STRN3: variants seen among roughly 807,000 people sequenced by gnomAD.
The protein encoded by STRN3 is striatin 3.
Under a neutral mutation model 95.6 loss-of-function variants are expected in STRN3, and 29 were observed. That is an observed-to-expected ratio of 0.30 (90% CI 0.23 to 0.41). The LOEUF (loss-of-function observed/expected upper bound fraction) is 0.41. STRN3 is among the 10% of genes least tolerant of loss of function. The probability of loss-of-function intolerance (pLI) is 1.00; values close to 1 mark genes in which losing one functional copy is unlikely to be tolerated. For synonymous variants in STRN3, 331 were observed against 357.6 expected (o/e 0.93, Z 0.84); for missense variants, 890 against 972.1 (o/e 0.92, Z 1.12).
intron 5 of STRN3, among the ~76,000 whole-genome samples, chr14:30,943,257 T>C (rs918932259): frequency 1.6e-4 from 24 of 152,198 alleles, no homozygotes; most frequent in Admixed American, 1.5e-3. Flanking sequence ...GAAAATGTTA[T>C]TGTATGCATT....
intron 1 of STRN3, among the ~76,000 whole-genome samples, chr14:30,978,657 T>C (rs67898509): frequency 0.16 from 23,693 of 152,020 alleles, 2,069 homozygotes; most frequent in South Asian, 0.33. Context: ...ATTGAGAAGG[T>C]AGGAATAGAA....
intron 6 of STRN3, 77 bp from the exon 7 acceptor site, chr14:30,935,381 C>A: frequency 1.4e-6 from 2 of 1,451,772 alleles, no homozygotes; most frequent in East Asian, 2.3e-5. Context: ...CACATAACTA[C>A]ATTTACACAC....
intron 6 of STRN3, 34 bp downstream of exon 6, chr14:30,936,461 T>C (rs773183930): frequency 1.9e-6 from 3 of 1,593,986 alleles, no homozygotes; most frequent in South Asian, 2.3e-5. Flanking sequence ...TACATGAATA[T>C]ATAGCTAATA....
intron 7 of STRN3, among the ~76,000 whole-genome samples, chr14:30,931,159 A>G (rs952325825): frequency 6.6e-6 from 1 of 152,198 alleles, no homozygotes; most frequent in African/African-American, 2.4e-5. Flanking sequence ...TCTAGAAAAT[A>G]AAAGTAAATT....
chr14:30,951,387 C>T (rs1201248353), intron 3 of STRN3, among the ~76,000 whole-genome samples: 3 of 151,996 alleles, frequency 2.0e-5, no homozygotes, highest in Admixed American at 1.3e-4. Flanking sequence ...GCATGTACCA[C>T]CACACCCAGC....
At chr14:30,948,275 GACAATGTTTATTAGGC>G (rs1027917764) in intron 4 of STRN3, among the ~76,000 whole-genome samples, 15 of 152,112 alleles carry the variant, frequency 9.9e-5, no homozygotes, top group Non-Finnish European at 2.2e-4. Flanking sequence ...AAATACAAGT[GACAATGTTTATTAGGC>G]ACATAGATGA....
chr14:30,992,072 G>C (rs1450595077), intron 1 of STRN3, among the ~76,000 whole-genome samples: 2 of 150,284 alleles, frequency 1.3e-5, no homozygotes, highest in African/African-American at 5.0e-5. Context: ...ATAGTATATG[G>C]AAAACTCAAC....
At chr14:30,974,325 A>G (rs1208035099) in intron 1 of STRN3, among the ~76,000 whole-genome samples, 1 of 152,166 alleles carries the variant, frequency 6.6e-6, no homozygotes, top group African/African-American at 2.4e-5. Context: ...AATTCCATTC[A>G]CAATAGCATC....
intron 1 of STRN3, among the ~76,000 whole-genome samples, chr14:30,982,098 C>CCAA (rs1881436427): frequency 1.3e-5 from 1 of 75,556 alleles, no homozygotes; most frequent in Admixed American, 2.1e-4. Context: ...CTCTGTCTCA[C>CCAA]AAAAAAAAAA....
At chr14:30,955,516 G>C in intron 3 of STRN3, 104 bp downstream of exon 3, 1 of 910,528 alleles carries the variant, frequency 1.1e-6, no homozygotes, top group South Asian at 1.7e-5. Context: ...GTTTACAATA[G>C]TCATTCTCTA....
At chr14:30,992,440 AG>A (rs1213348400) in intron 1 of STRN3, among the ~76,000 whole-genome samples, 1 of 151,628 alleles carries the variant, frequency 6.6e-6, no homozygotes, top group Non-Finnish European at 1.5e-5. Flanking sequence ...AAGAAAAAGA[AG>A]TAAGTGTCTT....
chr14:31,009,926 C>A (rs939603505), intron 1 of STRN3, among the ~76,000 whole-genome samples: 1 of 151,938 alleles, frequency 6.6e-6, no homozygotes, highest in Non-Finnish European at 1.5e-5. Flanking sequence ...TACTGAGACA[C>A]CATCTCCATG....
chr14:31,004,913 G>C (rs898470231), intron 1 of STRN3, among the ~76,000 whole-genome samples: 3 of 152,032 alleles, frequency 2.0e-5, no homozygotes, highest in Admixed American at 2.0e-4. Flanking sequence ...AACTAAATAG[G>C]GAATCCCAGA....
At chr14:30,991,027 A>G (rs1881926603) in intron 1 of STRN3, among the ~76,000 whole-genome samples, 2 of 152,182 alleles carry the variant, frequency 1.3e-5, no homozygotes, top group Admixed American at 6.5e-5. Context: ...TAACATCATC[A>G]CAGCTTACTC....
chr14:30,952,906 A>G (rs1879722914), intron 3 of STRN3, among the ~76,000 whole-genome samples: 1 of 152,186 alleles, frequency 6.6e-6, no homozygotes, highest in Admixed American at 6.5e-5. Flanking sequence ...CCAAGAATTA[A>G]CAACTGGTAG....
chr14:31,024,331 T>C (rs1883670082), intron 1 of STRN3, among the ~76,000 whole-genome samples: 1 of 152,216 alleles, frequency 6.6e-6, no homozygotes, highest in African/African-American at 2.4e-5. Context: ...ATGCCTTACT[T>C]ACTTTACTCA....
Position 30,912,172 on chromosome 14 carries a change from T to C in STRN3, c.1385A>G (p.Asn462Ser). ...CCATGTCTTTCGAAAGGCATCTTTA[T>C]TAGCAGGCAACTAAAAGGAAAGAGC... Reference protein sequence around the residue: ...DADYSYDLPANKDAFRKTWNP... With the variant: ...DADYSYDLPASKDAFRKTWNP... Residue 462 changes from asparagine to serine, a missense_variant, in exon 11 of 18, where the codon AAT (asparagine) becomes AGT (serine). Around this residue, in one of 3 missense-constraint regions of STRN3, gnomAD observed 357 missense variants for 422.8 expected, o/e 0.84. Coordinates refer to ENST00000357479, the MANE Select transcript of STRN3 (RefSeq NM_001083893.2). The C allele has an allele frequency of 6.2e-7, 1 of 1,611,012 alleles. No homozygotes were observed. Among genetic ancestry groups the C allele is most frequent in the Non-Finnish European group, 8.5e-7 (1 of 1,179,150 alleles).
intron 16 of STRN3, among the ~76,000 whole-genome samples, chr14:30,900,446 G>GGGA (rs1566424469): frequency 1.3e-5 from 2 of 148,882 alleles, no homozygotes; most frequent in African/African-American, 4.9e-5. Flanking sequence ...TGTGGGGCGG[G>GGGA]GGGGGGCGGT....
At chr14:30,897,301 T>C (rs1896184161) in intron 16 of STRN3, among the ~76,000 whole-genome samples, 1 of 152,124 alleles carries the variant, frequency 6.6e-6, no homozygotes, top group Admixed American at 6.6e-5. Flanking sequence ...AGTAATATAG[T>C]AGGCCAGCTG....
Sources: allele counts gnomAD v4.1 joint callset (sites outside exome capture counted in the v4.1 genomes callset), GRCh38; gene constraint gnomAD v4.1.1; regional missense constraint gnomAD v4.1.1; transcripts MANE v1.5; gene names NCBI Gene and HGNC (gene_info 2026-07-23, HGNC 2026-07-21).